The following ANKFN1 variants were observed in gnomAD, a reference collection of about 807,000 sequenced individuals.
The protein encoded by ANKFN1 is ankyrin repeat and fibronectin type-III domain-containing protein 1.
In ANKFN1, 74 loss-of-function variants were observed where a neutral mutation model predicts 108.7. The ratio of observed to expected loss-of-function variants is 0.68; its 90% CI spans 0.56 to 0.83. The LOEUF (loss-of-function observed/expected upper bound fraction) is 0.83. ANKFN1 is among the 40% of genes least tolerant of loss of function. The pLI is 0.00. For synonymous variants in ANKFN1, 547 were observed against 516.2 expected (o/e 1.06, Z -0.81); for missense variants, 1,505 against 1,382.3 (o/e 1.09, Z -1.41).
chr17:56,214,620 T>C (rs1915289052), intron 2 of ANKFN1, among the ~76,000 whole-genome samples: 1 of 152,146 alleles, frequency 6.6e-6, no homozygotes, highest in Non-Finnish European at 1.5e-5. Flanking sequence ...CAACTGCAGG[T>C]CCCACTAACT....
intron 1 of ANKFN1, among the ~76,000 whole-genome samples, chr17:56,204,039 A>T (rs970213718): frequency 6.6e-6 from 1 of 151,632 alleles, no homozygotes; most frequent in African/African-American, 2.4e-5. Context: ...TGTTTATATT[A>T]AATTAATTAA....
At chr17:56,167,007 T>C (rs1910181998) in intron 1 of ANKFN1, among the ~76,000 whole-genome samples, 1 of 152,046 alleles carries the variant, frequency 6.6e-6, no homozygotes. Context: ...CCCCTAGTGC[T>C]GTGCCTGGCC....
rs1205762979 is a variant in ANKFN1, at chr17:56,056,247, TA to T, written c.288+9927del. 2.6e-5 allele frequency among the ~76,000 whole-genome samples: 4 copies of T among 151,894 alleles called. No individual in the cohort carries two copies. The South Asian group carries it at 6.2e-4, about 24-fold the overall frequency. On this transcript the variant is annotated intron_variant, in intron 4 of 12. Transcript: ENST00000635860. The stretch of plus-strand genomic sequence containing the variant: ...TTATTTTAATTAAGTCCCATACTGC[TA>T]AAAATACTCTACAGATTAACACAAT...
intron 8 of ANKFN1, among the ~76,000 whole-genome samples, chr17:56,387,155 G>C (rs1330279713): frequency 6.6e-6 from 1 of 151,658 alleles, no homozygotes; most frequent in Non-Finnish European, 1.5e-5. Context: ...TATTAATTTT[G>C]GGTTTAATGT....
chr17:56,411,008 A>G (rs2048074431), intron 8 of ANKFN1, among the ~76,000 whole-genome samples: 1 of 152,200 alleles, frequency 6.6e-6, no homozygotes, highest in Admixed American at 6.5e-5. Flanking sequence ...CTGGTTTCAT[A>G]CAAATTTTAG....
intron 1 of ANKFN1, among the ~76,000 whole-genome samples, chr17:56,170,774 T>TTTATATATATA (rs1555604529): frequency 1.3e-4 from 9 of 68,100 alleles, no homozygotes; most frequent in African/African-American, 7.3e-4. Flanking sequence ...AAAAAATTTT[T>TTTATATATATA]TATATATATA....
At chr17:56,389,606 C>T (rs930882557) in intron 8 of ANKFN1, among the ~76,000 whole-genome samples, 6 of 152,168 alleles carry the variant, frequency 3.9e-5, no homozygotes, top group Non-Finnish European at 8.8e-5. Flanking sequence ...TAAGCCAACA[C>T]TTGTGGAAGT....
At chr17:56,351,213 T>G (rs2144671998) in intron 5 of ANKFN1, among the ~76,000 whole-genome samples, 1 of 151,732 alleles carries the variant, frequency 6.6e-6, no homozygotes, top group Non-Finnish European at 1.5e-5. Context: ...ATTTCACCAC[T>G]ACACCAAAAA....
intron 9 of ANKFN1, 146 bp downstream of exon 9, chr17:56,440,570 C>A: frequency 1.7e-6 from 1 of 579,442 alleles, no homozygotes; most frequent in South Asian, 2.2e-5. Context: ...TGTCTGGTAT[C>A]TAGAATCTGA....
At chr17:56,191,859 C>T (rs1478951719) in intron 1 of ANKFN1, among the ~76,000 whole-genome samples, 2 of 149,672 alleles carry the variant, frequency 1.3e-5, no homozygotes, top group Non-Finnish European at 3.0e-5. Context: ...ACCAATCAGA[C>T]GTAGATTTGG....
chr17:56,400,090 G>A (rs550843423), intron 8 of ANKFN1, among the ~76,000 whole-genome samples: 17 of 151,724 alleles, frequency 1.1e-4, no homozygotes, highest in Admixed American at 3.3e-4. Flanking sequence ...TTTTCCTCTG[G>A]GTGGATACCC....
At chr17:56,508,209 T>C (rs1007090929) in intron 20 of ANKFN1, among the ~76,000 whole-genome samples, 3 of 152,200 alleles carry the variant, frequency 2.0e-5, no homozygotes, top group Admixed American at 2.0e-4. Context: ...ATGTTCATCT[T>C]ACATCCTAGT....
intron 18 of ANKFN1, among the ~76,000 whole-genome samples, chr17:56,485,472 G>C (rs751449123): frequency 6.6e-5 from 10 of 152,182 alleles, no homozygotes; most frequent in Non-Finnish European, 1.2e-4. Context: ...AAGCAAGAAA[G>C]ATAGGAGATG....
At chr17:56,114,544 T>C (rs1318838718) in intron 4 of ANKFN1, among the ~76,000 whole-genome samples, 6 of 152,080 alleles carry the variant, frequency 3.9e-5, no homozygotes, top group African/African-American at 7.2e-5. Context: ...TATAAGGAAA[T>C]AGGTACTCTC....
At chr17:56,356,406 C>A (rs1280549224) in intron 6 of ANKFN1, among the ~76,000 whole-genome samples, 1 of 152,148 alleles carries the variant, frequency 6.6e-6, no homozygotes, top group Non-Finnish European at 1.5e-5. Context: ...TGGTGAGACC[C>A]AGAAGGCTGA....
At chr17:56,299,009 C>G (rs1365334684) in intron 3 of ANKFN1, among the ~76,000 whole-genome samples, 1 of 152,204 alleles carries the variant, frequency 6.6e-6, no homozygotes, top group African/African-American at 2.4e-5. Flanking sequence ...TGAGTCCCAG[C>G]CAACAAGGCA....
chr17:56,268,901 T>C (rs1249340084), intron 3 of ANKFN1, among the ~76,000 whole-genome samples: 1 of 152,168 alleles, frequency 6.6e-6, no homozygotes, highest in Non-Finnish European at 1.5e-5. Context: ...TGCTAAGCCC[T>C]GGAGATTTAA....
chr17:56,365,945 T>G (rs996195031), intron 6 of ANKFN1, among the ~76,000 whole-genome samples: 1 of 152,170 alleles, frequency 6.6e-6, no homozygotes, highest in Admixed American at 6.5e-5. Flanking sequence ...AAAATAATGG[T>G]TAACTGTAAA....
chr17:56,506,643 T>C (rs2051579497), intron 20 of ANKFN1, among the ~76,000 whole-genome samples: 1 of 151,200 alleles, frequency 6.6e-6, no homozygotes. Context: ...CACAGGAAAC[T>C]AATACAAGAT....
Sources: allele counts gnomAD v4.1 joint callset (sites outside exome capture counted in the v4.1 genomes callset), GRCh38; gene constraint gnomAD v4.1.1; transcripts MANE v1.5; gene names NCBI Gene and HGNC (gene_info 2026-07-23, HGNC 2026-07-21).